FGF12: variants seen among roughly 807,000 people sequenced by gnomAD.
FGF12 encodes the protein fibroblast growth factor 12, also known as fibroblast growth factor 12B.
FGF12 carries 14 observed loss-of-function variants against 23.6 expected under a neutral mutation model. That is an observed-to-expected ratio of 0.59 (90% CI 0.39 to 0.93). FGF12 has a LOEUF of 0.93. Ranked by LOEUF, FGF12 falls within the 40% of genes least tolerant of loss-of-function variation. The pLI is 0.00. For missense variants in FGF12, 175 were observed against 217.8 expected, an observed-to-expected ratio of 0.80 and a Z score of 1.24; for synonymous variants, 62 against 77.3, an observed-to-expected ratio of 0.80 and a Z score of 1.04.
intron 2 of FGF12, among the ~76,000 whole-genome samples, chr3:192,490,938 T>C (rs190838345): frequency 9.3e-5 from 14 of 151,054 alleles, no homozygotes; most frequent in African/African-American, 3.5e-4. Flanking sequence ...TGTTCTGTTT[T>C]CTAATCTACG....
chr3:192,186,643 G>A (rs1365596375), intron 4 of FGF12, among the ~76,000 whole-genome samples: 2 of 152,074 alleles, frequency 1.3e-5, no homozygotes, highest in South Asian at 2.1e-4. Context: ...TATTTGAAAG[G>A]AGAATAATTT....
At chr3:192,264,599 C>A (rs375819103) in intron 4 of FGF12, among the ~76,000 whole-genome samples, 11 of 151,500 alleles carry the variant, frequency 7.3e-5, no homozygotes, top group African/African-American at 2.4e-4. Context: ...GCTATTATTA[C>A]CCCCACTTTC....
intron 2 of FGF12, among the ~76,000 whole-genome samples, chr3:192,686,279 AAAG>A (rs1298362366): frequency 1.3e-5 from 2 of 152,322 alleles, no homozygotes; most frequent in African/African-American, 2.4e-5. Flanking sequence ...TGCTCTGAAC[AAAG>A]AAGAGAGAAA....
intron 2 of FGF12, among the ~76,000 whole-genome samples, chr3:192,389,087 C>T (rs945355224): frequency 6.6e-6 from 1 of 152,304 alleles, no homozygotes; most frequent in African/African-American, 2.4e-5. Flanking sequence ...TGGCCGGGCG[C>T]GGTGGCTCAC....
chr3:192,140,440 G>C lies in FGF12; in HGVS notation c.*3569C>G, dbSNP rs572610975. The C allele has an allele frequency of 1.3e-5, 2 of 152,022 alleles. No homozygotes were observed. The highest frequency in any genetic ancestry group is 3.9e-4 in the East Asian group (2 of 5,184). The allele number at this position is 152,022 out of a possible 1,614,324, so 9.4% of individuals were successfully genotyped here. A position where few individuals can be genotyped will look rare whatever the true frequency, so the allele number is the denominator to read the frequency against. ...TAAGGTATGAGGGTGAAATCGATTT[G>C]CTATTTCTGGGTCTATGTTTTTAAA... is the stretch of plus-strand genomic sequence containing the variant. On this transcript the variant is annotated 3_prime_UTR_variant, in exon 6 of 6. Transcript: ENST00000445105.
intron 2 of FGF12, among the ~76,000 whole-genome samples, chr3:192,523,718 A>G (rs554833363): frequency 3.3e-4 from 50 of 152,342 alleles, no homozygotes; most frequent in Non-Finnish European, 4.9e-4. Flanking sequence ...GCGAGTGCAT[A>G]TTTTGTTTAA....
At chr3:192,255,218 C>T (rs2108611378) in intron 4 of FGF12, among the ~76,000 whole-genome samples, 1 of 152,118 alleles carries the variant, frequency 6.6e-6, no homozygotes, top group South Asian at 2.1e-4. Context: ...AATAGCTGAG[C>T]ACATTATAAA....
chr3:192,542,079 G>A (rs1397623046), intron 2 of FGF12, among the ~76,000 whole-genome samples: 1 of 149,408 alleles, frequency 6.7e-6, no homozygotes, highest in Non-Finnish European at 1.5e-5. Flanking sequence ...CACCATGTTG[G>A]CCAGGCTGGT....
At chr3:192,268,236 A>G (rs1713202219) in intron 4 of FGF12, among the ~76,000 whole-genome samples, 1 of 152,116 alleles carries the variant, frequency 6.6e-6, no homozygotes, top group African/African-American at 2.4e-5. Flanking sequence ...ATACTAGCAA[A>G]TTCTGCTGCT....
intron 2 of FGF12, among the ~76,000 whole-genome samples, chr3:192,636,492 C>G (rs889194249): frequency 6.6e-6 from 1 of 152,184 alleles, no homozygotes; most frequent in African/African-American, 2.4e-5. Flanking sequence ...CAAGTCAATT[C>G]TTAACAAATA....
chr3:192,578,486 T>C (rs148111873), intron 2 of FGF12, among the ~76,000 whole-genome samples: 1 of 152,322 alleles, frequency 6.6e-6, no homozygotes, highest in African/African-American at 2.4e-5. Flanking sequence ...AATGCATATA[T>C]TCAAAACTTA....
rs577878152 is a variant in FGF12 at position 192,616,825 on chromosome 3, A to G, written c.13+110356T>C. Among the ~76,000 whole-genome samples the G allele has an allele frequency of 3.8e-4, 57 of 151,902 alleles. No individual in the cohort carries two copies. In the South Asian group the frequency reaches 0.011, roughly 29 times the overall value. The stretch of plus-strand genomic sequence containing the variant: ...GTGATCATCAATTTATTTTGTGATC[A>G]ACTTGTATCATCCACTCTTTAGAGA... On this transcript the variant is annotated intron_variant, in intron 2 of 5. Transcript: ENST00000445105.
chr3:192,156,684 A>C (rs1471352697), intron 5 of FGF12, among the ~76,000 whole-genome samples: 3 of 152,130 alleles, frequency 2.0e-5, no homozygotes, highest in Non-Finnish European at 4.4e-5. Context: ...TGTCAAGTAC[A>C]TAGAGTAGGA....
chr3:192,596,094 AAATATAATATAATAT>A (rs58052704), intron 2 of FGF12, among the ~76,000 whole-genome samples: 78 of 99,480 alleles, frequency 7.8e-4, no homozygotes, highest in African/African-American at 2.5e-3. Flanking sequence ...CCTGACTCAA[AAATATAATATAATAT>A]AATATAATAT....
intron 2 of FGF12, among the ~76,000 whole-genome samples, chr3:192,383,658 A>G (rs1359682133): frequency 2.0e-5 from 3 of 152,120 alleles, no homozygotes; most frequent in Non-Finnish European, 4.4e-5. Context: ...ATTTGTGCAA[A>G]GGTGTTTAGG....
chr3:192,552,735 AC>A (rs1237493714), intron 2 of FGF12, among the ~76,000 whole-genome samples: 1 of 152,132 alleles, frequency 6.6e-6, no homozygotes, highest in Non-Finnish European at 1.5e-5. Context: ...TACTAAAAAT[AC>A]AAAAATTAAG....
At position 192,466,787 on chromosome 3, in the gene FGF12, T is replaced by TG. The variant is rs373500768; in HGVS notation, c.14-106250dup. On this transcript the variant is annotated intron_variant, in intron 2 of 5. Coordinates refer to ENST00000445105, the MANE Select transcript of FGF12 (RefSeq NM_004113.6). ...TAAATTACTTCACACTCACAGGGTATGGAAGAGTTGAAATCAGACCCAGTT... is the reference window on the plus strand; with the variant it reads ...TAAATTACTTCACACTCACAGGGTATGGGAAGAGTTGAAATCAGACCCAGTT... Among the ~76,000 whole-genome samples, 577 of 152,302 alleles carry TG rather than the reference T, an allele frequency of 3.8e-3. 3 individuals are homozygous for TG. Among genetic ancestry groups the TG allele is most frequent in the African/African-American group, 0.014 (562 of 41,564 alleles).
intron 2 of FGF12, among the ~76,000 whole-genome samples, chr3:192,361,840 A>G (rs371371335): frequency 1.3e-5 from 2 of 152,224 alleles, no homozygotes; most frequent in East Asian, 3.8e-4. Context: ...GCCTCTATCA[A>G]CACATCTTTT....
intron 2 of FGF12, among the ~76,000 whole-genome samples, chr3:192,621,703 A>G (rs190002188): frequency 9.3e-5 from 14 of 150,572 alleles, no homozygotes; most frequent in Non-Finnish European, 1.5e-4. Context: ...AAAAAAAAAA[A>G]AAAAAAAGGA....
Sources: gnomAD v4.1 joint callset for allele counts (sites outside exome capture counted in the v4.1 genomes callset) on GRCh38, gnomAD v4.1.1 for gene constraint, MANE v1.5 for transcripts, NCBI Gene and HGNC (gene_info 2026-07-23, HGNC 2026-07-21) for gene names.